SUPT3H: variants seen among roughly 807,000 people sequenced by gnomAD.
The protein encoded by SUPT3H is transcription initiation protein SPT3 homolog.
A neutral mutation model predicts 44.3 loss-of-function variants in SUPT3H; 44 were observed. The observed-to-expected ratio is 0.99, with a 90% CI of 0.78 to 1.28. The LOEUF is 1.28. SUPT3H is among the 50% of genes most tolerant of loss of function. The probability of loss-of-function intolerance (pLI) is 0.00; values close to 1 mark genes in which losing one functional copy is unlikely to be tolerated. For synonymous variants in SUPT3H, 124 were observed against 125.6 expected (o/e 0.99, Z 0.09); for missense variants, 380 against 387.1 (o/e 0.98, Z 0.15).
At chr6:44,922,413 A>C (rs1409015337) in intron 10 of SUPT3H, among the ~76,000 whole-genome samples, 1 of 152,216 alleles carries the variant, frequency 6.6e-6, no homozygotes, top group Non-Finnish European at 1.5e-5. Flanking sequence ...TACATCAGTA[A>C]ATTAAAGGAC....
At chr6:45,366,044 A>G (rs1795080297) in intron 1 of SUPT3H, among the ~76,000 whole-genome samples, 1 of 152,192 alleles carries the variant, frequency 6.6e-6, no homozygotes, top group African/African-American at 2.4e-5. Flanking sequence ...AGTCAAAGTA[A>G]CATTAAAATA....
chr6:45,214,033 A>AAAAC (rs1428022326), intron 2 of SUPT3H, among the ~76,000 whole-genome samples: 1 of 150,644 alleles, frequency 6.6e-6, no homozygotes, highest in Non-Finnish European at 1.5e-5. Flanking sequence ...AAAAAAAAAA[A>AAAAC]AACAAGTCAA....
chr6:44,813,569 C>A (rs1766685471), intron 11 of SUPT3H, among the ~76,000 whole-genome samples: 1 of 112,132 alleles, frequency 8.9e-6, no homozygotes. Context: ...GCACTGAAAA[C>A]CAAGAGGAAA....
chr6:45,070,739 C>CAAAAAAAAAAAAAAAAAA (rs11393241), intron 3 of SUPT3H, among the ~76,000 whole-genome samples: 1 of 102,844 alleles, frequency 9.7e-6, no homozygotes, highest in African/African-American at 3.8e-5. Context: ...CTGTCTCAAA[C>CAAAAAAAAAAAAAAAAAA]AAAAAAAAAA....
At chr6:44,846,185 C>T (rs892395343) in intron 10 of SUPT3H, among the ~76,000 whole-genome samples, 3 of 152,200 alleles carry the variant, frequency 2.0e-5, no homozygotes, top group African/African-American at 7.2e-5. Flanking sequence ...CATTTCAGTA[C>T]CATCCCTGAT....
At chr6:44,944,832 C>T (rs1470287436) in intron 9 of SUPT3H, among the ~76,000 whole-genome samples, 1 of 124,408 alleles carries the variant, frequency 8.0e-6, no homozygotes, top group Non-Finnish European at 1.7e-5. Context: ...AATAAAGAAG[C>T]AAGACCCAAT....
At chr6:45,211,411 G>A (rs1312751521) in intron 2 of SUPT3H, among the ~76,000 whole-genome samples, 1 of 151,972 alleles carries the variant, frequency 6.6e-6, no homozygotes, top group Non-Finnish European at 1.5e-5. Context: ...AGTCACTTAT[G>A]TTTTGACCAC....
chr6:44,894,274 G>GCCATTGCT (rs946788328), intron 10 of SUPT3H, among the ~76,000 whole-genome samples: 7 of 151,206 alleles, frequency 4.6e-5, no homozygotes, highest in Non-Finnish European at 1.0e-4. Flanking sequence ...TGCTTTTGGT[G>GCCATTGCT]TTTTAGACAT....
chr6:44,991,816 G>A (rs1297312628), intron 6 of SUPT3H, among the ~76,000 whole-genome samples: 1 of 152,084 alleles, frequency 6.6e-6, no homozygotes, highest in Non-Finnish European at 1.5e-5. Context: ...ATAATGATCT[G>A]TTAATTCCAC....
chr6:44,835,361 G>C (rs1313339448), intron 10 of SUPT3H, among the ~76,000 whole-genome samples: 1 of 152,146 alleles, frequency 6.6e-6, no homozygotes, highest in South Asian at 2.1e-4. Context: ...TACATGCTCT[G>C]TCTCTAGGAT....
chr6:45,367,135 T>C (rs1381914585), intron 1 of SUPT3H, among the ~76,000 whole-genome samples: 2 of 152,014 alleles, frequency 1.3e-5, no homozygotes, highest in African/African-American at 4.8e-5. Context: ...AGGACACAGA[T>C]CTAAGGCAAG....
At position 44,835,785 on chromosome 6, in the gene SUPT3H, T is replaced by G. The variant is rs529637135; in HGVS notation, c.913-5928A>C. Among the ~76,000 whole-genome samples, 4 of 152,210 alleles carry G rather than the reference T, an allele frequency of 2.6e-5. No homozygotes were observed. The East Asian group carries it at 7.7e-4, about 29-fold the overall frequency. ...GCTTTATAGTAAAAATCAGTTGTGC[T>G]TCTAACAGGCCTTTTTCAATCTCTC... is the stretch of plus-strand genomic sequence containing the variant. On this transcript the variant is annotated intron_variant, in intron 10 of 10. Coordinates refer to ENST00000371459, the MANE Select transcript of SUPT3H (RefSeq NM_003599.4).
intron 6 of SUPT3H, among the ~76,000 whole-genome samples, chr6:44,967,923 G>A (rs955888869): frequency 6.6e-6 from 1 of 152,054 alleles, no homozygotes; most frequent in South Asian, 2.1e-4. Flanking sequence ...CTGGGTAGCT[G>A]GGACTACAGG....
chr6:45,204,196 G>A (rs1284959), intron 2 of SUPT3H, among the ~76,000 whole-genome samples: 3,091 of 149,880 alleles, frequency 0.021, 42 homozygotes, highest in Non-Finnish European at 0.033. Context: ...GCAGTGAGCC[G>A]AGATTGAGCC....
At chr6:44,978,630 C>T (rs1222785826) in intron 6 of SUPT3H, among the ~76,000 whole-genome samples, 2 of 152,184 alleles carry the variant, frequency 1.3e-5, no homozygotes, top group East Asian at 1.9e-4. Flanking sequence ...AGTGGGAACA[C>T]AGTGTTGTGA....
intron 2 of SUPT3H, among the ~76,000 whole-genome samples, chr6:45,318,388 A>T (rs4520015): frequency 0.97 from 147,744 of 152,222 alleles, 71,725 homozygotes; most frequent in East Asian, 1. Context: ...ACATAAAGAA[A>T]AAATCCTAAT....
At chr6:45,248,913 CAA>C (rs61451412) in intron 2 of SUPT3H, among the ~76,000 whole-genome samples, 16 of 115,220 alleles carry the variant, frequency 1.4e-4, no homozygotes, top group Non-Finnish European at 1.1e-4. Flanking sequence ...GACTCCATCT[CAA>C]AAAAAAAAAA....
In SUPT3H at chr6:45,130,712, C is replaced by CATTTTT. The variant is rs1358503809; in HGVS notation, c.102-24707_102-24706insAAAAAT. Among the ~76,000 whole-genome samples, 6 of 88,594 alleles carry CATTTTT rather than the reference C, an allele frequency of 6.8e-5. 1 individual carries two copies. The highest frequency in any genetic ancestry group is 1.2e-4 in the Admixed American group (1 of 8,364). 58.1% of individuals were successfully genotyped at this position (88,594 alleles called of 152,430 possible). On this transcript the variant is annotated intron_variant, in intron 2 of 10. Transcript: ENST00000371459. The stretch of plus-strand genomic sequence containing the variant: ...AAAAAAAAAACAAAAAAAAAAACCA[C>CATTTTT]TTTTTTTTTTTTTTTTTTTTTTCAG...
intron 2 of SUPT3H, among the ~76,000 whole-genome samples, chr6:45,135,651 T>C (rs930412387): frequency 6.6e-6 from 1 of 151,718 alleles, no homozygotes; most frequent in Non-Finnish European, 1.5e-5. Context: ...AGTGCCCTTA[T>C]AAAAGAAACC....
Sources: allele counts gnomAD v4.1 joint callset (sites outside exome capture counted in the v4.1 genomes callset), GRCh38; gene constraint gnomAD v4.1.1; transcripts MANE v1.5; gene names NCBI Gene and HGNC (gene_info 2026-07-23, HGNC 2026-07-21).